PKNOX2: variants seen among roughly 807,000 people sequenced by gnomAD.
The protein encoded by PKNOX2 is PBX/knotted 1 homeobox 2.
PKNOX2 carries 14 observed loss-of-function variants against 53.1 expected under a neutral mutation model. The ratio of observed to expected loss-of-function variants is 0.26; its 90% confidence interval spans 0.17 to 0.41. PKNOX2 has a LOEUF of 0.41. Ranked by LOEUF, PKNOX2 falls within the 10% of genes least tolerant of loss-of-function variation. PKNOX2 has a pLI of 1.00. For missense variants in PKNOX2, 496 were observed against 602.8 expected (o/e 0.82, Z 1.85); for synonymous variants, 257 against 242.8 (o/e 1.06, Z -0.54).
chr11:125,272,325 G>A (rs1227833317), intron 2 of PKNOX2, among the ~76,000 whole-genome samples: 1 of 152,150 alleles, frequency 6.6e-6, no homozygotes, highest in Non-Finnish European at 1.5e-5. Flanking sequence ...ATGATAAATG[G>A]CATCTGTGAA....
At chr11:125,311,253 A>G (rs1371528969) in intron 2 of PKNOX2, among the ~76,000 whole-genome samples, 1 of 152,224 alleles carries the variant, frequency 6.6e-6, no homozygotes, top group Non-Finnish European at 1.5e-5. Flanking sequence ...TTAGAAAGAC[A>G]TGGGTTAGAC....
At chr11:125,274,367 C>T (rs1238551332) in intron 2 of PKNOX2, among the ~76,000 whole-genome samples, 1 of 152,166 alleles carries the variant, frequency 6.6e-6, no homozygotes, top group Non-Finnish European at 1.5e-5. Context: ...CATCCCAGCT[C>T]GCTGAGGGGT....
At position 125,338,479 on chromosome 11, in the gene PKNOX2, A is replaced by G. The variant is rs536629702; in HGVS notation, c.-23+6554A>G. Among the ~76,000 whole-genome samples, 384 of 152,288 alleles carry G rather than the reference A, an allele frequency of 2.5e-3. 1 individual carries two copies. Among genetic ancestry groups the G allele is most frequent in the Middle Eastern group, 6.8e-3 (2 of 294 alleles). ...GGCAAACTTGTGCCCTTGGGGAGTC[A>G]TCTTAGAAGAGTAGCCCCGTTTCCT... On this transcript the variant is annotated intron_variant, in intron 3 of 12. Coordinates refer to ENST00000298282, the MANE Select transcript of PKNOX2 (RefSeq NM_001382323.2).
intron 2 of PKNOX2, among the ~76,000 whole-genome samples, chr11:125,314,436 C>G (rs539105361): frequency 2.0e-5 from 3 of 152,178 alleles, no homozygotes; most frequent in Non-Finnish European, 4.4e-5. Context: ...GGGGAAGACT[C>G]AGAGCTCGCG....
intron 1 of PKNOX2, among the ~76,000 whole-genome samples, chr11:125,192,812 C>CA (rs1230148063): frequency 1.3e-5 from 2 of 152,076 alleles, no homozygotes; most frequent in African/African-American, 4.8e-5. Flanking sequence ...GAAATCACGG[C>CA]CAGCCAGGTC....
intron 1 of PKNOX2, among the ~76,000 whole-genome samples, chr11:125,218,806 G>A (rs1028799087): frequency 1.3e-5 from 2 of 152,196 alleles, no homozygotes; most frequent in African/African-American, 4.8e-5. Flanking sequence ...AAGGCTTAAA[G>A]AGTGAGGCAT....
chr11:125,346,678 T>G (rs1389231596), intron 3 of PKNOX2, among the ~76,000 whole-genome samples: 1 of 152,082 alleles, frequency 6.6e-6, no homozygotes, highest in African/African-American at 2.4e-5. Flanking sequence ...ACATGCTGCT[T>G]GTATGTGTCG....
At chr11:125,387,717 G>T (rs1953748190) in intron 6 of PKNOX2, among the ~76,000 whole-genome samples, 1 of 152,224 alleles carries the variant, frequency 6.6e-6, no homozygotes, top group African/African-American at 2.4e-5. Context: ...GCACTGGGCT[G>T]GGAGTGTCCA....
chr11:125,217,018 C>T (rs951623318), intron 1 of PKNOX2, among the ~76,000 whole-genome samples: 30 of 151,814 alleles, frequency 2.0e-4, no homozygotes, highest in Non-Finnish European at 2.9e-4. Context: ...AACACACACA[C>T]ACACACACAC....
chr11:125,357,891 A>G (rs963550601), intron 4 of PKNOX2, among the ~76,000 whole-genome samples: 12 of 152,230 alleles, frequency 7.9e-5, no homozygotes, highest in African/African-American at 2.2e-4. Flanking sequence ...TCATCCACTT[A>G]TCCATTCGAT....
chr11:125,377,379 C>G (rs189126672), intron 5 of PKNOX2, among the ~76,000 whole-genome samples: 109 of 152,186 alleles, frequency 7.2e-4, no homozygotes, highest in Non-Finnish European at 1.5e-3. Context: ...CTGGAGAGAC[C>G]CATGAGGGGA....
chr11:125,210,642 G>A (rs1939725077), intron 1 of PKNOX2, among the ~76,000 whole-genome samples: 1 of 152,096 alleles, frequency 6.6e-6, no homozygotes, highest in Admixed American at 6.5e-5. Flanking sequence ...AACTGTTTCT[G>A]TTCACCTGGG....
chr11:125,269,219 G>A (rs1000190045), intron 2 of PKNOX2, among the ~76,000 whole-genome samples: 1 of 152,018 alleles, frequency 6.6e-6, no homozygotes, highest in African/African-American at 2.4e-5. Context: ...CCTCGATAAC[G>A]CTTGTCAGAT....
intron 10 of PKNOX2, among the ~76,000 whole-genome samples, chr11:125,415,754 G>A (rs1258388498): frequency 6.6e-6 from 1 of 152,144 alleles, no homozygotes; most frequent in East Asian, 1.9e-4. Flanking sequence ...ATGAAGTAAG[G>A]ACAGACCTAA....
intron 2 of PKNOX2, among the ~76,000 whole-genome samples, chr11:125,319,461 T>TA (rs1266420055): frequency 1.3e-5 from 2 of 152,122 alleles, no homozygotes; most frequent in Admixed American, 1.3e-4. Context: ...CTTCAATTTG[T>TA]AAAAAATGCA....
chr11:125,315,772 T>C (rs1310155608), intron 2 of PKNOX2, among the ~76,000 whole-genome samples: 1 of 152,116 alleles, frequency 6.6e-6, no homozygotes, highest in Non-Finnish European at 1.5e-5. Flanking sequence ...GTGCTGACTC[T>C]TTCTGCACAC....
intron 2 of PKNOX2, among the ~76,000 whole-genome samples, chr11:125,252,873 G>A (rs1245962522): frequency 6.6e-6 from 1 of 152,224 alleles, no homozygotes; most frequent in South Asian, 2.1e-4. Context: ...TGCATCTGTC[G>A]AGTTCTTAAA....
At chr11:125,296,178 T>TC (rs1337424491) in intron 2 of PKNOX2, among the ~76,000 whole-genome samples, 1 of 152,026 alleles carries the variant, frequency 6.6e-6, no homozygotes, top group East Asian at 1.9e-4. Context: ...TTCTCAGCCT[T>TC]TTTTTTTCCA....
intron 1 of PKNOX2, among the ~76,000 whole-genome samples, chr11:125,216,493 C>A (rs1022628292): frequency 6.6e-6 from 1 of 152,186 alleles, no homozygotes; most frequent in Non-Finnish European, 1.5e-5. Flanking sequence ...GGGGAGGCAC[C>A]GAGGCTGAGA....
Sources: allele counts gnomAD v4.1 joint callset (sites outside exome capture counted in the v4.1 genomes callset), GRCh38; gene constraint gnomAD v4.1.1; transcripts MANE v1.5; gene names NCBI Gene and HGNC (gene_info 2026-07-23, HGNC 2026-07-21).